ADARB2: variants seen among roughly 807,000 people sequenced by gnomAD.
The protein encoded by ADARB2 is adenosine deaminase RNA specific B2 (inactive).
In ADARB2, 25 loss-of-function variants were observed where a neutral mutation model predicts 62.2. The observed-to-expected ratio is 0.40, with a 90% CI of 0.29 to 0.56. The LOEUF (loss-of-function observed/expected upper bound fraction) is 0.56. ADARB2 is among the 20% of genes least tolerant of loss of function. ADARB2 has a pLI of 0.43. For synonymous variants in ADARB2, 572 were observed against 500.8 expected (o/e 1.14, Z -1.90); for missense variants, 1,071 against 1,077.4 (o/e 0.99, Z 0.08).
At chr10:1,627,015 C>A (rs145303936) in intron 1 of ADARB2, among the ~76,000 whole-genome samples, 6 of 152,082 alleles carry the variant, frequency 3.9e-5, no homozygotes, top group Non-Finnish European at 7.4e-5. Context: ...ACCTTTTCCC[C>A]GGGCCCCGGC....
At chr10:1,629,254 T>C (rs929643196) in intron 1 of ADARB2, among the ~76,000 whole-genome samples, 2 of 152,134 alleles carry the variant, frequency 1.3e-5, no homozygotes, top group Non-Finnish European at 2.9e-5. Flanking sequence ...TGGTGAGTGA[T>C]GAGCCAGGGC....
rs949060492 is a variant in ADARB2 at position 1,477,644 on chromosome 10, A to T, written c.101-98484T>A. Among the ~76,000 whole-genome samples the T allele has an allele frequency of 6.6e-6, 1 of 152,314 alleles. No homozygotes were observed. Among genetic ancestry groups the T allele is most frequent in the Admixed American group, 6.5e-5 (1 of 15,304 alleles). ...GAAAAGCCATCCATACATAGATAAA[A>T]ATATGGGGACCAACATGAAGCGTCA... On this transcript the variant is annotated intron_variant, in intron 1 of 9. Coordinates refer to ENST00000381312, the MANE Select transcript of ADARB2 (RefSeq NM_018702.4). This position sits in a 1 kb window ranked among gnomAD's most constrained non-coding sequence, Gnocchi z 4.5.
intron 1 of ADARB2, among the ~76,000 whole-genome samples, chr10:1,650,602 G>A (rs1165624391): frequency 2.6e-5 from 4 of 152,152 alleles, no homozygotes; most frequent in East Asian, 3.8e-4. Context: ...CCTTGCTATC[G>A]GTCCGTGAAA....
At chr10:1,586,807 G>A (rs1227429550) in intron 1 of ADARB2, among the ~76,000 whole-genome samples, 4 of 152,186 alleles carry the variant, frequency 2.6e-5, no homozygotes, top group South Asian at 2.1e-4. Context: ...TATTCAGGAC[G>A]TAGTGTGGGT....
intron 1 of ADARB2, among the ~76,000 whole-genome samples, chr10:1,671,922 T>G (rs1045686665): frequency 3.3e-5 from 5 of 152,088 alleles, no homozygotes; most frequent in Non-Finnish European, 5.9e-5. Context: ...CTAAAAGCCC[T>G]TTCTCACTGG....
intron 1 of ADARB2, among the ~76,000 whole-genome samples, chr10:1,711,917 G>GC (rs1284478150): frequency 6.6e-6 from 1 of 152,056 alleles, no homozygotes; most frequent in African/African-American, 2.4e-5. Context: ...ATGCTATCAA[G>GC]CCCCCCAAAG....
chr10:1,192,739 T>C (rs1182709616), intron 8 of ADARB2, among the ~76,000 whole-genome samples: 1 of 152,122 alleles, frequency 6.6e-6, no homozygotes, highest in African/African-American at 2.4e-5. Flanking sequence ...TCATGAGCCA[T>C]GACCACCCTG....
chr10:1,616,308 C>T (rs907821174), intron 1 of ADARB2, among the ~76,000 whole-genome samples: 2 of 152,106 alleles, frequency 1.3e-5, no homozygotes, highest in African/African-American at 2.4e-5. Context: ...AATGTTTCAT[C>T]GAGAAAAAAA....
chr10:1,194,706 T>G (rs745933105), intron 8 of ADARB2, among the ~76,000 whole-genome samples: 5 of 152,244 alleles, frequency 3.3e-5, no homozygotes, highest in Non-Finnish European at 7.3e-5. Flanking sequence ...ACAAATTATT[T>G]TATTTTCTGT....
chr10:1,697,868 G>A (rs921701586), intron 1 of ADARB2, among the ~76,000 whole-genome samples: 1 of 152,182 alleles, frequency 6.6e-6, no homozygotes, highest in East Asian at 1.9e-4. Flanking sequence ...CTCCGTAACC[G>A]TGAATTCATC....
intron 3 of ADARB2, among the ~76,000 whole-genome samples, chr10:1,314,821 G>A (rs1173376878): frequency 1.3e-5 from 2 of 152,166 alleles, no homozygotes; most frequent in Non-Finnish European, 2.9e-5. Context: ...GGCCTCGGAT[G>A]CCTGCACCTG....
intron 3 of ADARB2, among the ~76,000 whole-genome samples, chr10:1,323,250 T>TAAAAAAAAA (rs201803705): frequency 7.7e-6 from 1 of 130,458 alleles, no homozygotes; most frequent in Non-Finnish European, 1.7e-5. Context: ...TTTGAAATTG[T>TAAAAAAAAA]AAAAAAAAAA....
chr10:1,196,674 G>A (rs1222160803), intron 8 of ADARB2, among the ~76,000 whole-genome samples: 1 of 152,098 alleles, frequency 6.6e-6, no homozygotes, highest in African/African-American at 2.4e-5. Context: ...AGAAAGTTCT[G>A]TGCTAATCTA....
rs769774725 is a variant in ADARB2, at chr10:1,379,130, G to A, written c.131C>T (p.Ala44Val). Reference protein sequence around the residue: ...DKVSILSTFLAPFKHLSPGIT... With the variant: ...DKVSILSTFLVPFKHLSPGIT... ...GCCAGGACTCAGGTGCTTGAAAGGAGCGAGGAAGGTTGACAATATGCTTAC... is the reference window on the plus strand; with the variant it reads ...GCCAGGACTCAGGTGCTTGAAAGGAACGAGGAAGGTTGACAATATGCTTAC... Residue 44 changes from alanine (A) to valine (V), a missense_variant, in exon 2 of 10, where the codon GCT becomes GTT. Coordinates refer to ENST00000381312, the MANE Select transcript of ADARB2 (RefSeq NM_018702.4). The A allele has an allele frequency of 6.2e-7, 1 of 1,613,878 alleles. No homozygotes were observed. The highest frequency in any genetic ancestry group is 8.5e-7 in the Non-Finnish European group (1 of 1,179,814).
Position 1,363,759 on chromosome 10 carries a change from C to T in ADARB2, c.346G>A (p.Val116Ile). The T allele has an allele frequency of 6.2e-7, 1 of 1,605,782 alleles. No homozygotes were observed. The highest frequency in any genetic ancestry group is 8.5e-7 in the Non-Finnish European group (1 of 1,179,396). ...ACCGACCACGACAGCTTCTTCCAGA[C>T]CAGCTGCAGTTTGCACAAGTGGCCC... ...NGGHLCKLQLVWKKLSWSVAP... is the reference protein window; with the variant it reads ...NGGHLCKLQLIWKKLSWSVAP... Residue 116 changes from valine to isoleucine, a missense_variant, in exon 3 of 10, where the codon GTC becomes ATC. Coordinates refer to ENST00000381312, the MANE Select transcript of ADARB2 (RefSeq NM_018702.4).
chr10:1,631,566 G>C (rs187778818), intron 1 of ADARB2, among the ~76,000 whole-genome samples: 2 of 152,328 alleles, frequency 1.3e-5, no homozygotes, highest in Admixed American at 1.3e-4. Context: ...TCTACATCCA[G>C]GAAGTGCTAG....
At chr10:1,709,547 T>A (rs552624395) in intron 1 of ADARB2, among the ~76,000 whole-genome samples, 6 of 152,258 alleles carry the variant, frequency 3.9e-5, no homozygotes, top group Non-Finnish European at 8.8e-5. Flanking sequence ...CTTTTCATAT[T>A]GTCTTTACTT....
intron 1 of ADARB2, among the ~76,000 whole-genome samples, chr10:1,502,981 C>T (rs1831784536): frequency 6.6e-6 from 1 of 152,104 alleles, no homozygotes; most frequent in South Asian, 2.1e-4. Flanking sequence ...AGCATATTAT[C>T]TTAATTATGT....
At position 1,430,606 on chromosome 10, in the gene ADARB2, G is replaced by A. The variant is rs60277556; in HGVS notation, c.101-51446C>T. Among the ~76,000 whole-genome samples, 50 of 152,198 alleles carry A rather than the reference G, an allele frequency of 3.3e-4. No homozygotes were observed. In the East Asian group the frequency reaches 7.1e-3, roughly 22 times the overall value. On this transcript the variant is annotated intron_variant, in intron 1 of 9. Transcript: ENST00000381312. ...TAAAAAATCAGTAGCCAGGTGTGGCGGCATGCATCTGTAATAGCAGCTACT... is the reference window on the plus strand; with the variant it reads ...TAAAAAATCAGTAGCCAGGTGTGGCAGCATGCATCTGTAATAGCAGCTACT...
Sources: allele counts gnomAD v4.1 joint callset (sites outside exome capture counted in the v4.1 genomes callset), GRCh38; gene constraint gnomAD v4.1.1; non-coding constraint Gnocchi (gnomAD v3.1); transcripts MANE v1.5; gene names NCBI Gene and HGNC (gene_info 2026-07-23, HGNC 2026-07-21).